Variants in SGMS1 observed in about 807,000 individuals in gnomAD.
SGMS1 encodes sphingomyelin synthase 1, also known as phosphatidylcholine:ceramide cholinephosphotransferase 1.
In SGMS1, 13 loss-of-function variants were observed where a neutral mutation model predicts 46.2. The ratio of observed to expected loss-of-function variants is 0.28; its 90% CI spans 0.18 to 0.45. The LOEUF (loss-of-function observed/expected upper bound fraction) is 0.45. Ranked by LOEUF, SGMS1 falls within the 20% of genes least tolerant of loss-of-function variation. The probability of loss-of-function intolerance (pLI) is 1.00; values close to 1 mark genes in which losing one functional copy is unlikely to be tolerated. For synonymous variants in SGMS1, 203 were observed against 187.8 expected (o/e 1.08, Z -0.66); for missense variants, 324 against 519.9 (o/e 0.62, Z 3.66).
chr10:50,458,339 C>T (rs1008156762), intron 5 of SGMS1, among the ~76,000 whole-genome samples: 18 of 97,138 alleles, frequency 1.9e-4, no homozygotes, highest in Middle Eastern at 8.1e-3. Flanking sequence ...TTCTTTTTCT[C>T]TTTTTTTTTT....
chr10:50,427,435 G>T (rs997753291), intron 6 of SGMS1, among the ~76,000 whole-genome samples: 5 of 152,114 alleles, frequency 3.3e-5, no homozygotes, highest in Non-Finnish European at 1.5e-5. Context: ...GTGTGTCAAA[G>T]AAAGAACATA....
At chr10:50,405,629 T>G (rs570105129) in intron 6 of SGMS1, among the ~76,000 whole-genome samples, 1 of 152,122 alleles carries the variant, frequency 6.6e-6, no homozygotes, top group African/African-American at 2.4e-5. Flanking sequence ...CCCTCACAAA[T>G]GAAAGAAAAA....
At chr10:50,429,870 A>C (rs758955120) in intron 6 of SGMS1, among the ~76,000 whole-genome samples, 4 of 152,146 alleles carry the variant, frequency 2.6e-5, no homozygotes, top group Non-Finnish European at 4.4e-5. Context: ...AAATAAGAAA[A>C]ATTAAGAACA....
Position 50,564,846 on chromosome 10 carries a change from T to C in SGMS1, c.-589+25307A>G, listed in dbSNP as rs188299784. On this transcript the variant is annotated intron_variant, in intron 2 of 10. Transcript: ENST00000361781. ...AGTTTTAGGGTACATGTGCACATTG[T>C]GCAGGTTAGTTACATATGTATACAT... Among the ~76,000 whole-genome samples, 30 of 152,254 alleles carry C rather than the reference T, an allele frequency of 2.0e-4. No homozygotes were observed. The South Asian group carries it at 3.5e-3, about 18-fold the overall frequency.
rs181063439 is a variant in SGMS1 at position 50,621,466 on chromosome 10, A to C, written c.-684+2241T>G. On this transcript the variant is annotated intron_variant, in intron 1 of 10. Transcript: ENST00000361781. The stretch of plus-strand genomic sequence containing the variant: ...CATATATTTTACTCTAACCATATTA[A>C]TACAGACTTAAAAATAGATGATGAA... Among the ~76,000 whole-genome samples the C allele has an allele frequency of 5.9e-5, 9 of 152,336 alleles. No homozygotes were observed. In the East Asian group the frequency reaches 1.5e-3, roughly 26 times the overall value.
intron 6 of SGMS1, among the ~76,000 whole-genome samples, chr10:50,382,422 C>T (rs76532457): frequency 2.2e-3 from 327 of 151,882 alleles, no homozygotes; most frequent in African/African-American, 7.3e-3. Context: ...TACAAGTTAC[C>T]CCTGGTGACT....
intron 3 of SGMS1, among the ~76,000 whole-genome samples, chr10:50,473,770 C>T (rs1462969021): frequency 6.6e-6 from 1 of 152,186 alleles, no homozygotes; most frequent in Non-Finnish European, 1.5e-5. Flanking sequence ...ATTCTCAGGC[C>T]CAGTTGTCTT....
intron 1 of SGMS1, among the ~76,000 whole-genome samples, chr10:50,621,387 T>C (rs1177809350): frequency 2.0e-5 from 3 of 152,354 alleles, no homozygotes; most frequent in African/African-American, 4.8e-5. Flanking sequence ...CCAGCAATCA[T>C]GTCTTACGAA....
intron 7 of SGMS1, among the ~76,000 whole-genome samples, chr10:50,334,362 C>T (rs1048852169): frequency 9.2e-5 from 14 of 152,000 alleles, no homozygotes; most frequent in Non-Finnish European, 2.9e-5. Context: ...ACACAGAATA[C>T]GAATGTGTAT....
intron 6 of SGMS1, among the ~76,000 whole-genome samples, chr10:50,354,639 T>A (rs947880144): frequency 1.3e-5 from 2 of 151,962 alleles, no homozygotes; most frequent in Admixed American, 6.6e-5. Context: ...GAAACTACCA[T>A]CAGAATGAAC....
At chr10:50,409,483 A>G (rs1404273645) in intron 6 of SGMS1, among the ~76,000 whole-genome samples, 3 of 152,220 alleles carry the variant, frequency 2.0e-5, no homozygotes, top group African/African-American at 7.2e-5. Context: ...TATGGTTTTC[A>G]TACAACATAT....
At chr10:50,549,802 G>A (rs922052688) in intron 2 of SGMS1, among the ~76,000 whole-genome samples, 4 of 152,096 alleles carry the variant, frequency 2.6e-5, no homozygotes, top group African/African-American at 7.2e-5. Context: ...TGTTCTCCCA[G>A]GTTTATGCAA....
intron 5 of SGMS1, among the ~76,000 whole-genome samples, chr10:50,446,895 GA>G (rs1359407934): frequency 6.6e-6 from 1 of 152,200 alleles, no homozygotes; most frequent in African/African-American, 2.4e-5. Context: ...TTCTGGAGGA[GA>G]TATGGTCTCT....
chr10:50,594,760 G>A (rs1225350635), intron 1 of SGMS1, among the ~76,000 whole-genome samples: 2 of 152,130 alleles, frequency 1.3e-5, no homozygotes, highest in Non-Finnish European at 2.9e-5. Context: ...AATTTGAGTA[G>A]GAAGGAAAGA....
In SGMS1 at chr10:50,377,978, C is replaced by T. The variant is rs181624791; in HGVS notation, c.-231-33633G>A. On this transcript the variant is annotated intron_variant, in intron 6 of 10. Coordinates refer to ENST00000361781, the MANE Select transcript of SGMS1 (RefSeq NM_147156.4). ...TTACCTGGATAATGCAGGATAAGCT[C>T]CTCTTCTCAAGAGCCTTAATCACAT... is the stretch of plus-strand genomic sequence containing the variant. Among the ~76,000 whole-genome samples the T allele has an allele frequency of 4.5e-4, 68 of 152,284 alleles. No individual in the cohort carries two copies. In the Middle Eastern group the frequency reaches 0.014, roughly 30 times the overall value.
At chr10:50,549,346 G>A (rs917994157) in intron 2 of SGMS1, among the ~76,000 whole-genome samples, 10 of 152,182 alleles carry the variant, frequency 6.6e-5, no homozygotes, top group Admixed American at 1.3e-4. Flanking sequence ...ATACACCATG[G>A]AATACTACGA....
At chr10:50,506,306 T>A (rs1837706209) in intron 3 of SGMS1, among the ~76,000 whole-genome samples, 1 of 152,226 alleles carries the variant, frequency 6.6e-6, no homozygotes, top group African/African-American at 2.4e-5. Flanking sequence ...CCATATTGAT[T>A]GTACTCATTT....
intron 5 of SGMS1, among the ~76,000 whole-genome samples, chr10:50,436,961 CT>C (rs1044408562): frequency 6.6e-6 from 1 of 152,168 alleles, no homozygotes; most frequent in Admixed American, 6.5e-5. Flanking sequence ...CTCTGAAGAC[CT>C]TGAGCATGTT....
intron 8 of SGMS1, among the ~76,000 whole-genome samples, chr10:50,325,652 G>A (rs1361444416): frequency 2.0e-5 from 3 of 152,176 alleles, no homozygotes; most frequent in Non-Finnish European, 4.4e-5. Context: ...AGCAACTGGC[G>A]GAGCTACAGT....
Sources: gnomAD v4.1 joint callset for allele counts (sites outside exome capture counted in the v4.1 genomes callset) on GRCh38, gnomAD v4.1.1 for gene constraint, MANE v1.5 for transcripts, NCBI Gene and HGNC (gene_info 2026-07-23, HGNC 2026-07-21) for gene names.